FBXO22: variants seen among roughly 807,000 people sequenced by gnomAD.
The protein encoded by FBXO22 is F-box protein 22.
Under a neutral mutation model 37.2 loss-of-function variants are expected in FBXO22, and 13 were observed. That is an observed-to-expected ratio of 0.35 (90% confidence interval 0.23 to 0.56). FBXO22 has a LOEUF of 0.56. FBXO22 is among the 20% of genes least tolerant of loss of function. The probability of loss-of-function intolerance (pLI) is 0.87; values close to 1 mark genes in which losing one functional copy is unlikely to be tolerated. For missense variants in FBXO22, 446 were observed against 509.9 expected, an observed-to-expected ratio of 0.87 and a Z score of 1.21; for synonymous variants, 189 against 189.1, an observed-to-expected ratio of 1.00 and a Z score of 0.00.
intron 5 of FBXO22, among the ~76,000 whole-genome samples, chr15:75,923,621 T>C (rs891516669): frequency 2.0e-5 from 3 of 152,206 alleles, no homozygotes; most frequent in Non-Finnish European, 4.4e-5. Flanking sequence ...AAAATAACAC[T>C]CTTGCTATGA....
At chr15:75,916,408 TGTG>T (rs1016680355) in intron 4 of FBXO22, among the ~76,000 whole-genome samples, 5 of 152,226 alleles carry the variant, frequency 3.3e-5, no homozygotes, top group African/African-American at 1.2e-4. Flanking sequence ...GCTCTCTCAC[TGTG>T]TTCTCATGTG....
intron 2 of FBXO22, among the ~76,000 whole-genome samples, chr15:75,911,293 CTG>C (rs763397015): frequency 4.1e-4 from 63 of 152,272 alleles, no homozygotes; most frequent in Middle Eastern, 3.4e-3. Context: ...TTTTCTCACT[CTG>C]TGAAGAAAGT....
In FBXO22 at chr15:75,927,038, A is replaced by G. The variant is rs568464658; in HGVS notation, c.629-2846A>G. On this transcript the variant is annotated intron_variant, in intron 5 of 6. Coordinates refer to ENST00000308275, the MANE Select transcript of FBXO22 (RefSeq NM_147188.3). ...ATCTTAAAGGTTTTGAGGCCAGCAA[A>G]GATTTTCCTTATGAATGATTTGTGG... Among the ~76,000 whole-genome samples, 19 of 152,314 alleles carry G rather than the reference A, an allele frequency of 1.2e-4. No individual in the cohort carries two copies. In the South Asian group the frequency reaches 3.5e-3, roughly 28 times the overall value.
chr15:75,924,836 A>G (rs1217639404), intron 5 of FBXO22, among the ~76,000 whole-genome samples: 1 of 152,204 alleles, frequency 6.6e-6, no homozygotes, highest in African/African-American at 2.4e-5. Flanking sequence ...GGTTAGTTAT[A>G]TAGCAAACAG....
intron 2 of FBXO22, among the ~76,000 whole-genome samples, chr15:75,911,132 T>G (rs1191654048): frequency 6.6e-6 from 1 of 152,242 alleles, no homozygotes; most frequent in African/African-American, 2.4e-5. Flanking sequence ...TATATCTGTT[T>G]TGGTACCAGT....
rs1382017977 is a variant in FBXO22 at position 75,940,397 on chromosome 15, T to C, written c.*7295T>C. 2.0e-5 allele frequency: 3 copies of C among 151,532 alleles called. No homozygotes were observed. The highest frequency in any genetic ancestry group is 7.3e-5 in the African/African-American group (3 of 41,274). 9.4% of individuals were successfully genotyped at this position (151,532 alleles called of 1,614,324 possible). Reference sequence around the variant, plus strand: ...GATTGGAAAATCTAATGTTAATATGTCAGTACTACTCAAAGTGATGTGCAG... The same window carrying C: ...GATTGGAAAATCTAATGTTAATATGCCAGTACTACTCAAAGTGATGTGCAG... On this transcript the variant is annotated 3_prime_UTR_variant, in exon 7 of 7. Coordinates refer to ENST00000308275, the MANE Select transcript of FBXO22 (RefSeq NM_147188.3).
intron 2 of FBXO22, among the ~76,000 whole-genome samples, chr15:75,909,271 T>C (rs1433214104): frequency 6.6e-6 from 1 of 152,056 alleles, no homozygotes; most frequent in Admixed American, 6.6e-5. Flanking sequence ...TGAGGGAGTT[T>C]AGGAAAAGGT....
rs974284850 is a variant in FBXO22, at chr15:75,904,108, G to T, written c.140+5G>T. On this transcript the variant is annotated splice_donor_5th_base_variant and intron_variant, in intron 1 of 6. Transcript: ENST00000308275. ...GGCGTTGCTGCGGGTGGCCTGGTGA[G>T]GAGAGGAGGCGGAGGCGGGAAGCTT... is the stretch of plus-strand genomic sequence containing the variant. The T allele has an allele frequency of 1.6e-5, 25 of 1,539,044 alleles. No individual in the cohort carries two copies. Among genetic ancestry groups the T allele is most frequent in the Non-Finnish European group, 1.9e-5 (22 of 1,140,132 alleles).
At position 75,933,580 on chromosome 15, in the gene FBXO22, A is replaced by AT. The variant is rs757308718; in HGVS notation, c.*484dup. The AT allele has an allele frequency of 2.2e-4, 36 of 162,966 alleles. No individual in the cohort carries two copies. Among genetic ancestry groups the AT allele is most frequent in the Non-Finnish European group, 4.6e-4 (34 of 74,660 alleles). The allele number at this position is 162,966 out of a possible 1,614,324, so 10.1% of individuals were successfully genotyped here. On this transcript the variant is annotated 3_prime_UTR_variant, in exon 7 of 7. Transcript: ENST00000308275. ...TTTTCTCTGCCTTTCAGTTTTATGA[A>AT]TTTTTTCAGAAGTAACAATATTATT...
chr15:75,908,275 TG>T (rs1476144227), intron 2 of FBXO22, among the ~76,000 whole-genome samples: 4 of 151,180 alleles, frequency 2.6e-5, no homozygotes, highest in Non-Finnish European at 4.4e-5. Context: ...TTGTTTTGTT[TG>T]GTTTTTTTTT....
intron 2 of FBXO22, among the ~76,000 whole-genome samples, chr15:75,906,994 C>A (rs1263155259): frequency 2.0e-5 from 3 of 151,652 alleles, no homozygotes; most frequent in Non-Finnish European, 2.9e-5. Context: ...TTATTAAAGA[C>A]AAAAAAGGGA....
At chr15:75,910,590 C>T (rs1051245154) in intron 2 of FBXO22, among the ~76,000 whole-genome samples, 5 of 152,144 alleles carry the variant, frequency 3.3e-5, no homozygotes, top group Non-Finnish European at 7.4e-5. Context: ...CTGTTCATAT[C>T]CCTCGCCCAC....
intron 5 of FBXO22, among the ~76,000 whole-genome samples, chr15:75,929,362 A>C (rs1328195632): frequency 3.3e-5 from 5 of 152,148 alleles, no homozygotes; most frequent in Non-Finnish European, 1.5e-5. Context: ...GCTTACATGC[A>C]TAGGTTCCAG....
At chr15:75,904,852 C>G (rs1899888818) in intron 2 of FBXO22, among the ~76,000 whole-genome samples, 1 of 119,792 alleles carries the variant, frequency 8.3e-6, no homozygotes. Context: ...GAGACGTAGT[C>G]TCGCTCTGTG....
chr15:75,925,627 C>T (rs1595917312), intron 5 of FBXO22, among the ~76,000 whole-genome samples: 2 of 148,452 alleles, frequency 1.3e-5, no homozygotes, highest in South Asian at 2.2e-4. Flanking sequence ...GTTCTGCCTT[C>T]GAAGTTGCCC....
At chr15:75,928,393 T>C (rs965077931) in intron 5 of FBXO22, among the ~76,000 whole-genome samples, 2 of 152,106 alleles carry the variant, frequency 1.3e-5, no homozygotes, top group African/African-American at 4.8e-5. Context: ...ATGTAGTACA[T>C]ATGCAGCCAT....
At position 75,914,024 on chromosome 15, in the gene FBXO22, T is replaced by C. The variant is rs1364956302; in HGVS notation, c.368-86T>C. 3.4e-6 allele frequency: 3 copies of C among 893,260 alleles called. No individual in the cohort carries two copies. The East Asian group carries it at 7.7e-5, about 23-fold the overall frequency. 55.3% of individuals were successfully genotyped at this position (893,260 alleles called of 1,614,324 possible). ...TTCTCGTGTTAAATGACTTAAATAT[T>C]TCCAGTATTTGCTTTTTTACTTTTT... On this transcript the variant is annotated intron_variant, in intron 3 of 6. Coordinates refer to ENST00000308275, the MANE Select transcript of FBXO22 (RefSeq NM_147188.3).
At chr15:75,913,319 C>A in intron 3 of FBXO22, 29 bp downstream of exon 3, 1 of 1,481,518 alleles carries the variant, frequency 6.7e-7, no homozygotes, top group Non-Finnish European at 9.4e-7. Context: ...GCTTTTGCTT[C>A]TGTTTTTTTA....
Position 75,932,966 on chromosome 15 carries a change from G to A in FBXO22, c.1076G>A (p.Gly359Glu). 1 of 1,614,226 alleles carries A rather than the reference G, an allele frequency of 6.2e-7. No homozygotes were observed. The highest frequency in any genetic ancestry group is 8.5e-7 in the Non-Finnish European group (1 of 1,180,042). Residue 359 changes from glycine to glutamate, a missense_variant, in exon 7 of 7, where the codon GGA (glycine) becomes GAA (glutamate). Around this residue, in one of 2 missense-constraint regions of FBXO22, gnomAD observed 315 missense variants for 410.1 expected, o/e 0.77. Transcript: ENST00000308275. ...FPSVPLFGFF[G>E]NGEIGCDRIV... ...AGTGTTCCCTTATTCGGCTTCTTTG[G>A]AAATGGAGAAATTGGATGTGATCGG... is the stretch of plus-strand genomic sequence containing the variant.
Sources: gnomAD v4.1 joint callset for allele counts (sites outside exome capture counted in the v4.1 genomes callset) on GRCh38, gnomAD v4.1.1 for gene constraint, gnomAD v4.1.1 regional missense constraint, MANE v1.5 for transcripts, NCBI Gene and HGNC (gene_info 2026-07-23, HGNC 2026-07-21) for gene names.